The following PPP2R3A variants were observed in gnomAD, a reference collection of about 807,000 sequenced individuals.
PPP2R3A encodes the protein protein phosphatase 2 regulatory subunit B''alpha.
A neutral mutation model predicts 106.9 loss-of-function variants in PPP2R3A; 80 were observed. The observed-to-expected ratio is 0.75, with a 90% CI of 0.62 to 0.90. PPP2R3A has a LOEUF of 0.90. PPP2R3A is among the 40% of genes least tolerant of loss of function. The probability of loss-of-function intolerance (pLI) is 0.00; values close to 1 mark genes in which losing one functional copy is unlikely to be tolerated. For synonymous variants in PPP2R3A, 483 were observed against 468.3 expected (o/e 1.03, Z -0.41); for missense variants, 1,386 against 1,350.4 (o/e 1.03, Z -0.41).
At chr3:136,103,220 C>T (rs200656647) in intron 11 of PPP2R3A, 38 bp from the exon 12 acceptor site, 3 of 1,421,910 alleles carry the variant, frequency 2.1e-6, no homozygotes, top group African/African-American at 1.4e-5. Context: ...CAAAACAGCT[C>T]TTGATGAAAT....
chr3:136,131,727 G>A (rs549045651), intron 13 of PPP2R3A, among the ~76,000 whole-genome samples: 2 of 152,224 alleles, frequency 1.3e-5, no homozygotes, highest in South Asian at 2.1e-4. Context: ...ACATATTGTG[G>A]CACTATTTGC....
intron 2 of PPP2R3A, among the ~76,000 whole-genome samples, chr3:136,025,452 A>ACT (rs1211952770): frequency 1.3e-5 from 2 of 151,974 alleles, no homozygotes; most frequent in Non-Finnish European, 2.9e-5. Context: ...ATATGAGCAG[A>ACT]CTCCATTCTG....
intron 6 of PPP2R3A, among the ~76,000 whole-genome samples, chr3:136,075,597 CTGTT>C (rs1936569071): frequency 1.3e-5 from 2 of 152,124 alleles, no homozygotes; most frequent in Non-Finnish European, 2.9e-5. Context: ...AACAGTCAAA[CTGTT>C]TGCAGATTTT....
chr3:136,116,954 C>G (rs571776678), intron 13 of PPP2R3A, among the ~76,000 whole-genome samples: 6 of 152,352 alleles, frequency 3.9e-5, no homozygotes, highest in African/African-American at 1.4e-4. Flanking sequence ...AACACCACAT[C>G]GCACTTATTC....
At chr3:136,024,968 C>A (rs1934597249) in intron 2 of PPP2R3A, among the ~76,000 whole-genome samples, 1 of 152,076 alleles carries the variant, frequency 6.6e-6, no homozygotes, top group Non-Finnish European at 1.5e-5. Context: ...AATGGATTGT[C>A]AATTTGTTAA....
intron 2 of PPP2R3A, chr3:136,022,889 T>C (rs926759337): frequency 7.2e-7 from 1 of 1,394,526 alleles, no homozygotes; most frequent in Admixed American, 3.4e-5. Context: ...ACCAGCTGCA[T>C]GTCAGGACAA....
chr3:136,034,020 T>A (rs1289471734), intron 3 of PPP2R3A, among the ~76,000 whole-genome samples: 1 of 149,792 alleles, frequency 6.7e-6, no homozygotes, highest in Admixed American at 6.7e-5. Context: ...TCTTTCAGAC[T>A]TTTTTTCTTT....
chr3:136,109,129 G>A (rs1937559444), intron 13 of PPP2R3A, among the ~76,000 whole-genome samples: 1 of 152,104 alleles, frequency 6.6e-6, no homozygotes, highest in African/African-American at 2.4e-5. Context: ...AAAAAATAGT[G>A]TAACTGAAGA....
intron 13 of PPP2R3A, among the ~76,000 whole-genome samples, chr3:136,130,304 C>G (rs1938360009): frequency 6.6e-6 from 1 of 152,154 alleles, no homozygotes; most frequent in Admixed American, 6.5e-5. Flanking sequence ...AGCTGATAAG[C>G]AACTTCAGCA....
Position 136,001,911 on chromosome 3 carries a change from C to T in PPP2R3A, c.413C>T (p.Ala138Val). 6.2e-7 allele frequency: 1 copy of T among 1,614,146 alleles called. No individual in the cohort carries two copies. Among genetic ancestry groups the T allele is most frequent in the Non-Finnish European group, 8.5e-7 (1 of 1,180,022 alleles). ...SFEKLKNSNHAAYRKGRKVKS... is the reference protein window; with the variant it reads ...SFEKLKNSNHVAYRKGRKVKS... The stretch of plus-strand genomic sequence containing the variant: ...GAAAAACTCAAAAACTCTAACCATG[C>T]AGCTTACAGAAAGGGAAGGAAAGTT... The change falls in exon 2 of 14, where the codon GCA (alanine) becomes GTA (valine). Residue 138 changes from alanine (A) to valine (V), a missense_variant. By Grantham distance (64) the Ala-to-Val change is moderately conservative (BLOSUM62 0). Transcript: ENST00000264977.
intron 13 of PPP2R3A, among the ~76,000 whole-genome samples, chr3:136,139,107 T>C (rs531391713): frequency 6.6e-6 from 1 of 152,276 alleles, no homozygotes; most frequent in Non-Finnish European, 1.5e-5. Flanking sequence ...CCTTTGTCCC[T>C]GTAAATAGTC....
chr3:136,033,438 G>T (rs897042171), intron 3 of PPP2R3A, among the ~76,000 whole-genome samples: 2 of 152,174 alleles, frequency 1.3e-5, no homozygotes, highest in African/African-American at 2.4e-5. Context: ...TCTCTGTCTT[G>T]TGGAATAGTG....
At chr3:135,984,263 A>G (rs1264391645) in intron 1 of PPP2R3A, among the ~76,000 whole-genome samples, 2 of 152,206 alleles carry the variant, frequency 1.3e-5, no homozygotes, top group Admixed American at 6.5e-5. Flanking sequence ...GACATAGTAT[A>G]TGACAAAAGA....
chr3:136,079,489 A>G (rs1004947914), intron 7 of PPP2R3A, among the ~76,000 whole-genome samples: 2 of 151,370 alleles, frequency 1.3e-5, no homozygotes, highest in African/African-American at 2.4e-5. Flanking sequence ...GTTCACCACA[A>G]TGTCCGCCTT....
chr3:136,079,093 A>G, intron 7 of PPP2R3A: 1 of 410,344 alleles, frequency 2.4e-6, no homozygotes, highest in Non-Finnish European at 4.9e-6. Flanking sequence ...AATGGAATTT[A>G]GGCTAATAAT....
At chr3:136,079,547 T>C (rs1936714915) in intron 7 of PPP2R3A, among the ~76,000 whole-genome samples, 2 of 151,912 alleles carry the variant, frequency 1.3e-5, no homozygotes, top group South Asian at 4.1e-4. Flanking sequence ...TAGCTGGGAC[T>C]ACAGGCGTGT....
At chr3:135,967,188 C>G (rs1197853967) in intron 1 of PPP2R3A, among the ~76,000 whole-genome samples, 1 of 152,116 alleles carries the variant, frequency 6.6e-6, no homozygotes, top group East Asian at 1.9e-4. Context: ...TGGAAAAAAA[C>G]TTAGATCTTT....
Position 136,138,695 on chromosome 3 carries a change from A to ATTTTTTTTTTT in PPP2R3A, c.3330-6323_3330-6313dup, listed in dbSNP as rs747811648. On this transcript the variant is annotated intron_variant, in intron 13 of 13. Coordinates refer to ENST00000264977, the MANE Select transcript of PPP2R3A (RefSeq NM_002718.5). ...AGACTCCAAACTAGAGAAATATTGAATTTTTTTTTTTTTTTTTTTTTTTTT... is the reference window on the plus strand; with the variant it reads ...AGACTCCAAACTAGAGAAATATTGAATTTTTTTTTTTTTTTTTTTTTTTTTTTTTTTTTTTT... Among the ~76,000 whole-genome samples, 69 of 50,638 alleles carry ATTTTTTTTTTT rather than the reference A, an allele frequency of 1.4e-3. 7 individuals are homozygous for ATTTTTTTTTTT. The highest frequency in any genetic ancestry group is 2.3e-3 in the South Asian group (2 of 888). The allele number at this position is 50,638 out of a possible 152,430, so 33.2% of individuals were successfully genotyped here.
chr3:135,986,562 A>C (rs184999542), intron 1 of PPP2R3A, among the ~76,000 whole-genome samples: 17 of 151,838 alleles, frequency 1.1e-4, no homozygotes, highest in South Asian at 4.2e-4. Flanking sequence ...TTTGATGACT[A>C]TTTCTTCAGT....
Sources: gnomAD v4.1 joint callset for allele counts (sites outside exome capture counted in the v4.1 genomes callset) on GRCh38, gnomAD v4.1.1 for gene constraint, MANE v1.5 for transcripts, NCBI Gene and HGNC (gene_info 2026-07-23, HGNC 2026-07-21) for gene names.